Variants in BRWD3 observed in about 807,000 individuals in gnomAD.
BRWD3 encodes bromodomain and WD repeat domain containing 3, also known as bromodomain and WD repeat-containing protein 3.
Under a neutral mutation model 149.7 loss-of-function variants are expected in BRWD3, and 10 were observed. That is an observed-to-expected ratio of 0.07 (90% CI 0.04 to 0.11). The LOEUF (loss-of-function observed/expected upper bound fraction) is 0.11, where lower values mean the gene tolerates loss of function less well. BRWD3 is among the 10% of genes least tolerant of loss of function. BRWD3 has a pLI of 1.00. For synonymous variants in BRWD3, 504 were observed against 456.7 expected, an observed-to-expected ratio of 1.10 and a Z score of -1.32; for missense variants, 940 against 1,373.2, an observed-to-expected ratio of 0.68 and a Z score of 4.99.
chrX:80,698,073 T>C (rs1436255362), intron 25 of BRWD3, among the ~76,000 whole-genome samples: 1 of 112,335 alleles, frequency 8.9e-6, no homozygotes, highest in Non-Finnish European at 1.9e-5. Flanking sequence ...TGTTTTAGCA[T>C]TTTTTCATAT....
chrX:80,745,671 A>G lies in BRWD3; in HGVS notation c.489T>C (p.Pro163=). The G allele has an allele frequency of 8.3e-7, 1 of 1,209,375 alleles. No individual in the cohort carries two copies. Among genetic ancestry groups the G allele is most frequent in the South Asian group, 1.8e-5 (1 of 56,698 alleles). ...TGCSRFGHIF[P]SSAYQHIKMH... ...TCTTAATGTGCTGGTAAGCAGATGA[A>G]GGGAAAATATGACCAAAGCGACTAC... Residue 163 remains proline, a synonymous_variant, in exon 7 of 41, where the codon CCT becomes CCC. Coordinates refer to ENST00000373275, the MANE Select transcript of BRWD3 (RefSeq NM_153252.5).
At chrX:80,710,754 T>C (rs980357715) in intron 20 of BRWD3, 22 of 490,076 alleles carry the variant, frequency 4.5e-5, no homozygotes, top group Non-Finnish European at 8.0e-5. Flanking sequence ...GTAATAATGC[T>C]GGAAGACATA....
In BRWD3 at chrX:80,703,528, C is replaced by T. The variant is rs2072820520; in HGVS notation, c.2787G>A (p.Leu929=). 4 of 1,205,844 alleles carry T rather than the reference C, an allele frequency of 3.3e-6. No individual in the cohort carries two copies. The highest frequency in any genetic ancestry group is 4.5e-6 in the Non-Finnish European group (4 of 893,458). Residue 929 remains leucine, a synonymous_variant, in exon 24 of 41, where the codon TTG becomes TTA. Coordinates refer to ENST00000373275, the MANE Select transcript of BRWD3 (RefSeq NM_153252.5). Reference sequence around the variant, plus strand: ...ATGGGGAACGTCGGGGTATAGTATCCAAGATCCACTGAGGGGCAAACCATT... The same window carrying T: ...ATGGGGAACGTCGGGGTATAGTATCTAAGATCCACTGAGGGGCAAACCATT... ...NEEWFAPQWI[L]DTIPRRSPFV... is the part of the protein sequence containing the mutation.
At chrX:80,695,019 TC>T (rs936547667) in intron 27 of BRWD3, among the ~76,000 whole-genome samples, 6 of 111,079 alleles carry the variant, frequency 5.4e-5, no homozygotes, top group African/African-American at 2.0e-4. Context: ...TCCCTTCACA[TC>T]CAGGGAGGGA....
At chrX:80,737,951 G>A (rs1176904718) in intron 8 of BRWD3, among the ~76,000 whole-genome samples, 1 of 112,473 alleles carries the variant, frequency 8.9e-6, no homozygotes, top group Non-Finnish European at 1.9e-5. Context: ...GAACACAGTC[G>A]CCTTACACTG....
At position 80,717,639 on chromosome X, in the gene BRWD3, G is replaced by T. The variant is rs768036437; in HGVS notation, c.2165C>A (p.Thr722Asn). ...HNNAPRSQMA[T>N]ERDLMAWSRR... is the part of the protein sequence containing the mutation. Reference sequence around the variant, plus strand: ...GCTCCACGCCATGAGATCTCTTTCAGTGGCCATCTGGCTCCGAGGAGCATT... The same window carrying T: ...GCTCCACGCCATGAGATCTCTTTCATTGGCCATCTGGCTCCGAGGAGCATT... Residue 722 changes from threonine to asparagine, a missense_variant, in exon 19 of 41, where the codon ACT (threonine) becomes AAT (asparagine). This residue lies in a region of BRWD3 where 103 missense variants were observed against 103.2 expected (regional missense o/e 1.00). Coordinates refer to ENST00000373275, the MANE Select transcript of BRWD3 (RefSeq NM_153252.5). The T allele has an allele frequency of 3.3e-6, 4 of 1,209,659 alleles. No individual in the cohort carries two copies. Among genetic ancestry groups the T allele is most frequent in the Non-Finnish European group, 3.4e-6 (3 of 894,891 alleles).
At chrX:80,795,978 G>A (rs2074234901) in intron 4 of BRWD3, among the ~76,000 whole-genome samples, 1 of 109,548 alleles carries the variant, frequency 9.1e-6, no homozygotes, top group African/African-American at 3.3e-5. Flanking sequence ...CGCATCTCTG[G>A]TGATCACCAT....
chrX:80,698,664 G>A (rs976356356), intron 25 of BRWD3, among the ~76,000 whole-genome samples: 1 of 107,368 alleles, frequency 9.3e-6, no homozygotes, highest in Non-Finnish European at 1.9e-5. Context: ...AGCCGAGATC[G>A]CTCTACTGCA....
At chrX:80,759,740 T>C (rs767667525) in intron 6 of BRWD3, among the ~76,000 whole-genome samples, 2 of 111,800 alleles carry the variant, frequency 1.8e-5, no homozygotes, top group South Asian at 7.5e-4. Context: ...AAAGCAGTGA[T>C]TTCATATGGC....
chrX:80,703,584 G>C lies in BRWD3; in HGVS notation c.2731C>G (p.Leu911Val). Residue 911 changes from leucine (L) to valine (V), a missense_variant, in exon 24 of 41, where the codon CTG (leucine) becomes GTG (valine). Around this residue, in one of 6 missense-constraint regions of BRWD3, gnomAD observed 158 missense variants for 284.0 expected, o/e 0.56. Transcript: ENST00000373275. The part of the protein sequence containing the change: ...PKQTRKKKGG[L>V]VSIAGEPNEE... ...TTAGGCTCACCTGCTATAGAAACCAGTCCTCCTTTCTAAAACATAAATACA... is the reference window on the plus strand; with the variant it reads ...TTAGGCTCACCTGCTATAGAAACCACTCCTCCTTTCTAAAACATAAATACA... 8.4e-7 allele frequency: 1 copy of C among 1,193,165 alleles called. No individual in the cohort carries two copies. The highest frequency in any genetic ancestry group is 1.1e-6 in the Non-Finnish European group (1 of 881,574).
intron 10 of BRWD3, among the ~76,000 whole-genome samples, chrX:80,734,720 A>G (rs777014920): frequency 3.6e-5 from 4 of 110,927 alleles, no homozygotes; most frequent in Non-Finnish European, 5.7e-5. Context: ...AAAGGAAAAA[A>G]AAAAAGGTTA....
intron 6 of BRWD3, among the ~76,000 whole-genome samples, chrX:80,772,467 G>A (rs971295529): frequency 1.1e-4 from 12 of 110,655 alleles, no homozygotes; most frequent in African/African-American, 2.3e-4. Flanking sequence ...GGGGCCTGTC[G>A]TCGGGTGGAG....
At chrX:80,752,540 T>C (rs1046933010) in intron 6 of BRWD3, among the ~76,000 whole-genome samples, 4 of 112,117 alleles carry the variant, frequency 3.6e-5, no homozygotes, top group African/African-American at 1.3e-4. Flanking sequence ...AGAGTTCTTT[T>C]CTGCACAGCC....
chrX:80,716,629 G>T (rs756095082), intron 19 of BRWD3, among the ~76,000 whole-genome samples: 1 of 111,970 alleles, frequency 8.9e-6, no homozygotes, highest in Non-Finnish European at 1.9e-5. Flanking sequence ...GTTTATCCAC[G>T]TTGTAGCAGG....
intron 39 of BRWD3, 104 bp from the exon 40 acceptor site, chrX:80,681,603 CA>C: frequency 3.2e-6 from 2 of 631,737 alleles, no homozygotes; most frequent in Non-Finnish European, 2.5e-6. Context: ...ATTCTAACAC[CA>C]AAATTATAAG....
chrX:80,780,678 T>C (rs1224111478), intron 6 of BRWD3, among the ~76,000 whole-genome samples: 1 of 111,898 alleles, frequency 8.9e-6, no homozygotes, highest in Non-Finnish European at 1.9e-5. Context: ...ATAAAAGTAA[T>C]GGCTTCAGAA....
chrX:80,696,877 T>C lies in BRWD3; in HGVS notation c.2944-14A>G. The C allele has an allele frequency of 2.6e-6, 3 of 1,158,176 alleles. No homozygotes were observed. Among genetic ancestry groups the C allele is most frequent in the Non-Finnish European group, 2.4e-6 (2 of 849,158 alleles). On this transcript the variant is annotated splice_polypyrimidine_tract_variant and intron_variant, in intron 25 of 40. Coordinates refer to ENST00000373275, the MANE Select transcript of BRWD3 (RefSeq NM_153252.5). ...AAACTCTTGCTCCTATTCATGAGAA[T>C]ACCAATAAATTATTACTTTCAATAT... is the stretch of plus-strand genomic sequence containing the variant.
intron 8 of BRWD3, among the ~76,000 whole-genome samples, chrX:80,736,515 T>A (rs951243830): frequency 1.8e-5 from 2 of 111,728 alleles, no homozygotes; most frequent in African/African-American, 6.5e-5. Flanking sequence ...CTAAAAACAC[T>A]TGGGAAGTTA....
chrX:80,739,739 G>A (rs758790522), intron 8 of BRWD3, among the ~76,000 whole-genome samples: 1 of 111,383 alleles, frequency 9.0e-6, no homozygotes, highest in East Asian at 2.8e-4. Context: ...ACACCTATAA[G>A]CTTAATTTAT....
Sources: allele counts gnomAD v4.1 joint callset (sites outside exome capture counted in the v4.1 genomes callset), GRCh38; gene constraint gnomAD v4.1.1; regional missense constraint gnomAD v4.1.1; transcripts MANE v1.5; gene names NCBI Gene and HGNC (gene_info 2026-07-23, HGNC 2026-07-21).